GPC5: variants seen among roughly 807,000 people sequenced by gnomAD.
GPC5 encodes the protein glypican-5.
GPC5 carries 47 observed loss-of-function variants against 53.9 expected under a neutral mutation model. The ratio of observed to expected loss-of-function variants is 0.87; its 90% CI spans 0.69 to 1.11. The LOEUF is 1.11. Among genes scored for constraint, GPC5 ranks in the 50% most tolerant of loss-of-function variants. The pLI is 0.00. For synonymous variants in GPC5, 286 were observed against 263.3 expected (o/e 1.09, Z -0.84); for missense variants, 748 against 713.1 (o/e 1.05, Z -0.56).
At chr13:92,264,134 A>G (rs1405143860) in intron 7 of GPC5, among the ~76,000 whole-genome samples, 2 of 152,150 alleles carry the variant, frequency 1.3e-5, no homozygotes, top group African/African-American at 4.8e-5. Flanking sequence ...TCCAGAGGCT[A>G]TCATATTTAA....
At chr13:91,400,820 C>T (rs973308069) in intron 1 of GPC5, among the ~76,000 whole-genome samples, 1 of 152,086 alleles carries the variant, frequency 6.6e-6, no homozygotes, top group African/African-American at 2.4e-5. Flanking sequence ...ATGAACTTTC[C>T]AGAGTATCAG....
chr13:92,012,294 A>C (rs1006256359), intron 6 of GPC5, among the ~76,000 whole-genome samples: 1 of 152,136 alleles, frequency 6.6e-6, no homozygotes, highest in South Asian at 2.1e-4. Context: ...TATTTGCTAT[A>C]AATACATAGG....
intron 5 of GPC5, among the ~76,000 whole-genome samples, chr13:91,817,814 A>T (rs1463981473): frequency 6.6e-6 from 1 of 152,182 alleles, no homozygotes; most frequent in Admixed American, 6.5e-5. Flanking sequence ...CTTTCAACAT[A>T]TCTTATGTGA....
intron 2 of GPC5, among the ~76,000 whole-genome samples, chr13:91,689,643 AC>A (rs1346690992): frequency 2.0e-5 from 3 of 151,210 alleles, no homozygotes; most frequent in Non-Finnish European, 2.9e-5. Context: ...TACTTTTTAA[AC>A]TTTTTTGTTA....
intron 7 of GPC5, among the ~76,000 whole-genome samples, chr13:92,479,926 T>C (rs1408049467): frequency 1.3e-5 from 2 of 152,122 alleles, no homozygotes; most frequent in Non-Finnish European, 2.9e-5. Context: ...GTCAAAAATT[T>C]TAAAAGTAAA....
At chr13:92,590,207 C>T (rs529797635) in intron 7 of GPC5, among the ~76,000 whole-genome samples, 8 of 151,936 alleles carry the variant, frequency 5.3e-5, no homozygotes, top group Non-Finnish European at 7.4e-5. Flanking sequence ...CCTTTCCCTG[C>T]GGGGAATCTG....
chr13:92,817,290 TGCA>T (rs1877510053), intron 7 of GPC5, among the ~76,000 whole-genome samples: 1 of 152,004 alleles, frequency 6.6e-6, no homozygotes, highest in Non-Finnish European at 1.5e-5. Context: ...TCTACAATTC[TGCA>T]GCAGGAAAAA....
intron 7 of GPC5, among the ~76,000 whole-genome samples, chr13:92,283,898 G>A (rs545132472): frequency 1.8e-4 from 28 of 152,256 alleles, no homozygotes; most frequent in African/African-American, 6.5e-4. Context: ...GATCAGAGCA[G>A]AACTGAAGGA....
chr13:92,504,471 C>T (rs563346901), intron 7 of GPC5, among the ~76,000 whole-genome samples: 3 of 151,762 alleles, frequency 2.0e-5, no homozygotes, highest in Admixed American at 6.6e-5. Context: ...ATTTCTTGGC[C>T]AATATATAAA....
At chr13:92,250,260 G>T (rs1226141135) in intron 7 of GPC5, among the ~76,000 whole-genome samples, 1 of 152,094 alleles carries the variant, frequency 6.6e-6, no homozygotes, top group Non-Finnish European at 1.5e-5. Flanking sequence ...GAGTGTTTAG[G>T]TTCATACGTA....
intron 5 of GPC5, among the ~76,000 whole-genome samples, chr13:91,887,330 A>C (rs2039334774): frequency 6.6e-6 from 1 of 152,142 alleles, no homozygotes; most frequent in African/African-American, 2.4e-5. Flanking sequence ...GGGCACCTGC[A>C]CCTGGCCCAG....
intron 2 of GPC5, among the ~76,000 whole-genome samples, chr13:91,502,143 T>C (rs1884672320): frequency 6.6e-6 from 1 of 152,160 alleles, no homozygotes; most frequent in African/African-American, 2.4e-5. Context: ...TTCTGGATAT[T>C]AGCCCTTTGT....
At chr13:92,708,073 T>C (rs1478994163) in intron 7 of GPC5, among the ~76,000 whole-genome samples, 1 of 152,182 alleles carries the variant, frequency 6.6e-6, no homozygotes, top group Non-Finnish European at 1.5e-5. Context: ...AACATGGTCA[T>C]GTTCAGTACA....
chr13:92,209,494 G>T (rs1012320217), intron 7 of GPC5, among the ~76,000 whole-genome samples: 1 of 152,108 alleles, frequency 6.6e-6, no homozygotes, highest in Non-Finnish European at 1.5e-5. Context: ...ATAATAAATT[G>T]TTGTCTACTA....
rs12427983 is a variant in GPC5 at position 92,795,245 on chromosome 13, T to C, written c.1562-71037T>C. ...AAATAACACCACACATCTACAACCATCTGGTCTTTGACAAACCTACAAAAA... is the reference window on the plus strand; with the variant it reads ...AAATAACACCACACATCTACAACCACCTGGTCTTTGACAAACCTACAAAAA... On this transcript the variant is annotated intron_variant, in intron 7 of 7. Transcript: ENST00000377067. Among the ~76,000 whole-genome samples, 3,881 of 152,154 alleles carry C rather than the reference T, an allele frequency of 0.026. 388 individuals are homozygous for C. The East Asian group carries it at 0.33, about 13-fold the overall frequency.
chr13:92,525,488 C>A, intron 7 of GPC5, among the ~76,000 whole-genome samples: 1 of 96,730 alleles, frequency 1.0e-5, no homozygotes, highest in South Asian at 3.9e-4. Flanking sequence ...GTGAAACAAC[C>A]AGAAAAGCTT....
At chr13:91,583,311 A>G (rs948021284) in intron 2 of GPC5, among the ~76,000 whole-genome samples, 1 of 152,216 alleles carries the variant, frequency 6.6e-6, no homozygotes, top group African/African-American at 2.4e-5. Flanking sequence ...CATGATGTAT[A>G]TTTGAACTAT....
intron 2 of GPC5, among the ~76,000 whole-genome samples, chr13:91,464,455 C>A (rs1882114803): frequency 6.6e-6 from 1 of 151,884 alleles, no homozygotes; most frequent in Non-Finnish European, 1.5e-5. Context: ...TGTAGTAGCC[C>A]CAAACAGGAA....
intron 5 of GPC5, among the ~76,000 whole-genome samples, chr13:91,833,562 G>A (rs916703075): frequency 2.0e-5 from 3 of 152,124 alleles, no homozygotes; most frequent in African/African-American, 4.8e-5. Flanking sequence ...CGATCAAGTC[G>A]CCTTGATCCC....
Sources: gnomAD v4.1 joint callset for allele counts (sites outside exome capture counted in the v4.1 genomes callset) on GRCh38, gnomAD v4.1.1 for gene constraint, MANE v1.5 for transcripts, NCBI Gene and HGNC (gene_info 2026-07-23, HGNC 2026-07-21) for gene names.